TRIM5: variants seen among roughly 807,000 people sequenced by gnomAD.
The protein encoded by TRIM5 is tripartite motif containing 5.
A neutral mutation model predicts 35.6 loss-of-function variants in TRIM5; 31 were observed. That is an observed-to-expected ratio of 0.87 (90% CI 0.65 to 1.18). The LOEUF (loss-of-function observed/expected upper bound fraction) is 1.18, where lower values mean the gene tolerates loss of function less well. Among genes scored for constraint, TRIM5 ranks in the 50% most tolerant of loss-of-function variants. The probability of loss-of-function intolerance (pLI) is 0.00; values close to 1 mark genes in which losing one functional copy is unlikely to be tolerated. For missense variants in TRIM5, 609 were observed against 591.6 expected (o/e 1.03, Z -0.31); for synonymous variants, 243 against 215.6 (o/e 1.13, Z -1.11).
At chr11:5,602,898 G>C in the TRIM5 span, among the ~76,000 whole-genome samples, 1 of 152,126 alleles carries the variant, frequency 6.6e-6, no homozygotes, top group Non-Finnish European at 1.5e-5. Context: ...AGATTGCAGT[G>C]AGCTGAGATT....
intron 4 of TRIM5, among the ~76,000 whole-genome samples, chr11:5,671,501 G>T (rs1012574129): frequency 2.0e-5 from 3 of 151,958 alleles, no homozygotes; most frequent in Non-Finnish European, 4.4e-5. Context: ...AGATAGAAAT[G>T]ATAAGGAAAT....
chr11:5,639,925 A>G, the TRIM5 span, among the ~76,000 whole-genome samples: 1 of 152,322 alleles, frequency 6.6e-6, no homozygotes, highest in South Asian at 2.1e-4. Flanking sequence ...ACATCAGTAC[A>G]TCAGAGTAAA....
chr11:5,621,660 T>C, the TRIM5 span, among the ~76,000 whole-genome samples: 1 of 152,124 alleles, frequency 6.6e-6, no homozygotes, highest in African/African-American at 2.4e-5. Context: ...CTAGGCCAAA[T>C]AGAAAAGTCA....
chr11:5,602,269 T>TGC, the TRIM5 span, among the ~76,000 whole-genome samples: 1 of 131,754 alleles, frequency 7.6e-6, no homozygotes, highest in South Asian at 2.3e-4. Flanking sequence ...TGAAACCTCA[T>TGC]CTCTACTAAA....
At chr11:5,643,246 A>C in the TRIM5 span, 1 of 1,613,942 alleles carries the variant, frequency 6.2e-7, no homozygotes, top group Non-Finnish European at 8.5e-7. Flanking sequence ...CAGTGTTATA[A>C]TTATGGTGTC....
the TRIM5 span, among the ~76,000 whole-genome samples, chr11:5,628,286 G>A: frequency 6.6e-6 from 1 of 152,320 alleles, no homozygotes; most frequent in Admixed American, 6.5e-5. Flanking sequence ...GTTGGATACT[G>A]ATTGGAATAA....
chr11:5,643,459 G>GT, the TRIM5 span: 2 of 1,614,186 alleles, frequency 1.2e-6, no homozygotes, highest in Non-Finnish European at 1.7e-6. Context: ...CAGAATAAAT[G>GT]TAAGTATGGT....
At position 5,663,248 on chromosome 11, in the gene TRIM5, A is replaced by C; in HGVS notation, c.*1561T>G. 1 of 951,192 alleles carries C rather than the reference A, an allele frequency of 1.1e-6. No homozygotes were observed. Among genetic ancestry groups the C allele is most frequent in the Non-Finnish European group, 1.3e-6 (1 of 798,838 alleles). 58.9% of individuals were successfully genotyped at this position (951,192 alleles called of 1,614,324 possible). On this transcript the variant is annotated 3_prime_UTR_variant, in exon 8 of 8. Coordinates refer to ENST00000380034, the MANE Select transcript of TRIM5 (RefSeq NM_033034.3). ...ACTCGTTTAACTTTTAAAAAACTAC[A>C]TCAGCTAATTTTATTATAATTATTT...
the TRIM5 span, among the ~76,000 whole-genome samples, chr11:5,639,603 C>T: frequency 5.1e-4 from 68 of 134,340 alleles, 1 homozygote; most frequent in Admixed American, 1.1e-3. Context: ...TCGCTTGAAC[C>T]GGGGAGGTGG....
chr11:5,634,988 GA>G, the TRIM5 span: 3 of 921,822 alleles, frequency 3.3e-6, no homozygotes, highest in Non-Finnish European at 4.7e-6. Context: ...GTCCATTCTA[GA>G]TGTCATGGAC....
chr11:5,594,625 G>C, the TRIM5 span, among the ~76,000 whole-genome samples: 2 of 151,498 alleles, frequency 1.3e-5, no homozygotes, highest in Non-Finnish European at 2.9e-5. Flanking sequence ...TTTTTTAACT[G>C]AGCCTACTAG....
At chr11:5,593,091 T>C in the TRIM5 span, among the ~76,000 whole-genome samples, 1 of 152,296 alleles carries the variant, frequency 6.6e-6, no homozygotes, top group East Asian at 1.9e-4. Flanking sequence ...TTGTTTCTCC[T>C]ACATCCCTAA....
chr11:5,639,707 A>AAAAAAAAAT, the TRIM5 span, among the ~76,000 whole-genome samples: 1 of 139,912 alleles, frequency 7.1e-6, no homozygotes, highest in Non-Finnish European at 1.5e-5. Flanking sequence ...AAAAAAAAAA[A>AAAAAAAAAT]GATTGGAAGA....
At chr11:5,594,856 T>C in the TRIM5 span, among the ~76,000 whole-genome samples, 43 of 152,112 alleles carry the variant, frequency 2.8e-4, no homozygotes, top group East Asian at 7.9e-3. Flanking sequence ...TACTGGGCAG[T>C]TTGGGTGGGG....
At chr11:5,590,238 G>C in the TRIM5 span, 1 of 168,014 alleles carries the variant, frequency 6.0e-6, no homozygotes, top group South Asian at 1.3e-4. Context: ...CAGTCCCATC[G>C]ACCACCCAAG....
chr11:5,647,982 C>T, the TRIM5 span, among the ~76,000 whole-genome samples: 1 of 152,266 alleles, frequency 6.6e-6, no homozygotes, highest in South Asian at 2.1e-4. Flanking sequence ...GCGATTTATT[C>T]TCGGTAGTTT....
chr11:5,657,964 C>T, the TRIM5 span, among the ~76,000 whole-genome samples: 4 of 151,786 alleles, frequency 2.6e-5, no homozygotes, highest in African/African-American at 9.7e-5. Flanking sequence ...TTCAGAATGA[C>T]AGCTGCTAAT....
At chr11:5,634,521 A>G in the TRIM5 span, 3 of 650,968 alleles carry the variant, frequency 4.6e-6, no homozygotes, top group East Asian at 6.3e-5. Context: ...ACACACACAC[A>G]CACACACACA....
At chr11:5,604,449 A>G in the TRIM5 span, 6 of 1,430,722 alleles carry the variant, frequency 4.2e-6, no homozygotes, top group Middle Eastern at 1.8e-4. Flanking sequence ...TGAGGTTAGC[A>G]GAATCTCTGT....
Sources: allele counts gnomAD v4.1 joint callset (sites outside exome capture counted in the v4.1 genomes callset), GRCh38; gene constraint gnomAD v4.1.1; transcripts MANE v1.5; gene names NCBI Gene and HGNC (gene_info 2026-07-23, HGNC 2026-07-21).